Variants in CAGE1 observed in about 807,000 individuals in gnomAD.
CAGE1 encodes cancer antigen 1, also known as cancer-associated gene 1 protein.
Under a neutral mutation model 94.9 loss-of-function variants are expected in CAGE1, and 66 were observed. The observed-to-expected ratio is 0.70, with a 90% confidence interval of 0.57 to 0.85. The LOEUF (loss-of-function observed/expected upper bound fraction) is 0.85. CAGE1 is among the 40% of genes least tolerant of loss of function. The pLI is 0.00. For missense variants in CAGE1, 865 were observed against 950.4 expected (o/e 0.91, Z 1.18); for synonymous variants, 319 against 321.0 (o/e 0.99, Z 0.07).
chr6:7,363,544 T>C (rs1760227962), intron 9 of CAGE1, among the ~76,000 whole-genome samples: 1 of 152,218 alleles, frequency 6.6e-6, no homozygotes, highest in Non-Finnish European at 1.5e-5. Flanking sequence ...ATTTATTTAT[T>C]AGAGTTCTCC....
chr6:7,385,726 T>C, intron 3 of CAGE1, 59 bp downstream of exon 3: 1 of 993,702 alleles, frequency 1.0e-6, no homozygotes, highest in Non-Finnish European at 1.5e-6. Flanking sequence ...ATTGTTACTA[T>C]CACGGAACAC....
chr6:7,328,896 GTGTGTGTGTGTGTGTGTGTGTGTATA>G (rs1417561961), intron 13 of CAGE1, among the ~76,000 whole-genome samples: 52 of 92,214 alleles, frequency 5.6e-4, no homozygotes, highest in African/African-American at 1.9e-3. Context: ...GTGTGTGTGT[GTGTGTGTGTGTGTGTGTGTGTGTATA>G]TATATATATA....
intron 11 of CAGE1, among the ~76,000 whole-genome samples, chr6:7,345,544 C>T (rs1325517697): frequency 1.3e-5 from 2 of 152,148 alleles, no homozygotes; most frequent in Non-Finnish European, 2.9e-5. Flanking sequence ...AAGCTATCAC[C>T]AAGTAGTTTT....
intron 5 of CAGE1, 68 bp downstream of exon 5, chr6:7,373,005 A>C: frequency 2.7e-6 from 3 of 1,103,438 alleles, no homozygotes; most frequent in Non-Finnish European, 3.9e-6. Context: ...CCACGTCTAA[A>C]TACGCATCAC....
intron 9 of CAGE1, among the ~76,000 whole-genome samples, chr6:7,358,911 G>A (rs1760074022): frequency 1.3e-5 from 2 of 152,194 alleles, no homozygotes; most frequent in Admixed American, 6.5e-5. Flanking sequence ...CAAAATGGTT[G>A]TACAATTTTA....
At chr6:7,341,330 G>A in intron 11 of CAGE1, 2 of 692,008 alleles carry the variant, frequency 2.9e-6, no homozygotes, top group Middle Eastern at 5.1e-4. Flanking sequence ...AATCCTTACT[G>A]GTGTCCCAGA....
chr6:7,369,769 G>T (rs1407697431), intron 6 of CAGE1, 150 bp downstream of exon 6: 2 of 644,420 alleles, frequency 3.1e-6, no homozygotes, highest in Non-Finnish European at 4.9e-6. Flanking sequence ...GGCGAAGAAG[G>T]GTTGGATGGA....
At chr6:7,338,716 T>TTCCCCCAAG in intron 11 of CAGE1, 2 of 653,102 alleles carry the variant, frequency 3.1e-6, no homozygotes, top group Non-Finnish European at 5.5e-6. Flanking sequence ...CTTCCACTCT[T>TTCCCCCAAG]TCCCCCAAGT....
Position 7,339,138 on chromosome 6 carries a change from C to T in CAGE1, c.2370-5048G>A, listed in dbSNP as rs13216713. The T allele has an allele frequency of 0.12, 180,510 of 1,550,448 alleles. 12,715 individuals are homozygous for T. Among genetic ancestry groups the T allele is most frequent in the East Asian group, 0.33 (14,605 of 44,528 alleles). ...AAACTTCATGGATTTAGCTCTCTGT[C>T]CTCAGAGTTTCCCAGACACCACGAC... On this transcript the variant is annotated intron_variant, in intron 11 of 13. Transcript: ENST00000502583. This position sits in a 1 kb window ranked among gnomAD's most constrained non-coding sequence, Gnocchi z 4.7.
intron 11 of CAGE1, among the ~76,000 whole-genome samples, chr6:7,336,153 T>C (rs1050640304): frequency 2.0e-5 from 3 of 152,222 alleles, no homozygotes; most frequent in African/African-American, 7.2e-5. Flanking sequence ...CCTGAGTCTA[T>C]CATGCTTTGT....
In CAGE1 at chr6:7,346,851, C is replaced by CT. The variant is rs1400963301; in HGVS notation, c.2369+8189dup. Among the ~76,000 whole-genome samples the CT allele has an allele frequency of 9.8e-5, 11 of 111,962 alleles. 1 individual carries two copies. In the Middle Eastern group the frequency reaches 0.012, roughly 125 times the overall value. The allele number at this position is 111,962 out of a possible 152,430, so 73.5% of individuals were successfully genotyped here. The stretch of plus-strand genomic sequence containing the variant: ...CCAGCCTGGGCAACAGAGCAAGACT[C>CT]TATCTCAAAAAAAAAAAAAGAAGAA... On this transcript the variant is annotated intron_variant, in intron 11 of 13. Transcript: ENST00000502583.
In CAGE1 at chr6:7,355,876, G is replaced by A. The variant is rs979036158; in HGVS notation, c.2298+149C>T. ...AAATTAGCCAGGAATGGTGGCACAT[G>A]CCTATAATCCCAGCTACTCATGAGA... On this transcript the variant is annotated intron_variant, in intron 10 of 13. Coordinates refer to ENST00000502583, the MANE Select transcript of CAGE1 (RefSeq NM_001170692.2). The A allele has an allele frequency of 1.4e-4, 76 of 544,064 alleles. No homozygotes were observed. In the African/African-American group the frequency reaches 1.4e-3, roughly 10 times the overall value. 33.7% of individuals were successfully genotyped at this position (544,064 alleles called of 1,614,324 possible). A position where few individuals can be genotyped will look rare whatever the true frequency, so the allele number is the denominator to read the frequency against.
chr6:7,348,865 AAAAAAG>A (rs1190254413), intron 11 of CAGE1, among the ~76,000 whole-genome samples: 4 of 152,312 alleles, frequency 2.6e-5, no homozygotes, highest in African/African-American at 7.2e-5. Context: ...AAAGACAAAG[AAAAAAG>A]AAAAAGAAAA....
At position 7,389,395 on chromosome 6, in the gene CAGE1, AC is replaced by A; in HGVS notation, c.-218del. On this transcript the variant is annotated 5_prime_UTR_variant, in exon 1 of 14. Transcript: ENST00000502583. The stretch of plus-strand genomic sequence containing the variant: ...CCAACCTCCTCCACCAAGGACTCTC[AC>A]AAACTCGCAATCGGGCTCCCGGAGT... 2.2e-6 allele frequency: 1 copy of A among 450,348 alleles called. No homozygotes were observed. The allele number at this position is 450,348 out of a possible 1,614,324, so 27.9% of individuals were successfully genotyped here.
At chr6:7,372,813 C>A (rs1322538490) in intron 5 of CAGE1, among the ~76,000 whole-genome samples, 1 of 152,108 alleles carries the variant, frequency 6.6e-6, no homozygotes, top group Non-Finnish European at 1.5e-5. Context: ...GGACTATAGG[C>A]GCACACCACC....
At chr6:7,343,198 A>AAAAAAGAAAAGAAAAGAAAAG (rs574460085) in intron 11 of CAGE1, among the ~76,000 whole-genome samples, 20 of 137,354 alleles carry the variant, frequency 1.5e-4, no homozygotes, top group African/African-American at 5.4e-4. Context: ...CACAAAAAAA[A>AAAAAAGAAAAGAAAAGAAAAG]AAAAGAAAAG....
chr6:7,348,987 T>C (rs936812638), intron 11 of CAGE1, among the ~76,000 whole-genome samples: 1 of 152,186 alleles, frequency 6.6e-6, no homozygotes, highest in Non-Finnish European at 1.5e-5. Flanking sequence ...GAAAACATAT[T>C]TGGGGAATAA....
chr6:7,352,849 A>T (rs1759833549), intron 11 of CAGE1, among the ~76,000 whole-genome samples: 1 of 152,226 alleles, frequency 6.6e-6, no homozygotes, highest in Non-Finnish European at 1.5e-5. Flanking sequence ...TGCATCTAGG[A>T]GAATAAAACT....
At chr6:7,384,506 C>A (rs6909715) in intron 3 of CAGE1, among the ~76,000 whole-genome samples, 8,408 of 149,630 alleles carry the variant, frequency 0.056, 381 homozygotes, top group African/African-American at 0.13. Flanking sequence ...GTGGCTGATA[C>A]CTGTAATCCC....
Sources: gnomAD v4.1 joint callset for allele counts (sites outside exome capture counted in the v4.1 genomes callset) on GRCh38, gnomAD v4.1.1 for gene constraint, Gnocchi (gnomAD v3.1) non-coding constraint, MANE v1.5 for transcripts, NCBI Gene and HGNC (gene_info 2026-07-23, HGNC 2026-07-21) for gene names.